COL21A1: variants seen among roughly 807,000 people sequenced by gnomAD.
The protein encoded by COL21A1 is collagen type XXI alpha 1 chain.
A neutral mutation model predicts 137.9 loss-of-function variants in COL21A1; 149 were observed. The ratio of observed to expected loss-of-function variants is 1.08; its 90% CI spans 0.95 to 1.24. The LOEUF (loss-of-function observed/expected upper bound fraction) is 1.24. Ranked by LOEUF, COL21A1 falls within the 50% of genes most tolerant of loss-of-function variation. The probability of loss-of-function intolerance (pLI) is 0.00; values close to 1 mark genes in which losing one functional copy is unlikely to be tolerated. For synonymous variants in COL21A1, 456 were observed against 391.5 expected, an observed-to-expected ratio of 1.16 and a Z score of -1.95; for missense variants, 1,167 against 1,158.4, an observed-to-expected ratio of 1.01 and a Z score of -0.11.
chr6:56,220,267 A>G (rs1294109868), intron 1 of COL21A1, among the ~76,000 whole-genome samples: 1 of 152,152 alleles, frequency 6.6e-6, no homozygotes, highest in Non-Finnish European at 1.5e-5. Context: ...ATAACCACAC[A>G]AAAGATGTAC....
intron 1 of COL21A1, among the ~76,000 whole-genome samples, chr6:56,256,830 C>G (rs1264982638): frequency 6.6e-6 from 1 of 151,916 alleles, no homozygotes; most frequent in Non-Finnish European, 1.5e-5. Context: ...CTTCATTGTT[C>G]AAGAGGCCAA....
At chr6:56,150,565 C>CACACACACA (rs1402170446) in intron 10 of COL21A1, among the ~76,000 whole-genome samples, 6 of 112,612 alleles carry the variant, frequency 5.3e-5, no homozygotes, top group South Asian at 2.8e-4. Flanking sequence ...CACACACACA[C>CACACACACA]AAGAGTGGGG....
intron 1 of COL21A1, among the ~76,000 whole-genome samples, chr6:56,253,616 G>A (rs919513218): frequency 1.3e-5 from 2 of 152,096 alleles, no homozygotes; most frequent in African/African-American, 4.8e-5. Flanking sequence ...TTCCCTATGT[G>A]AGCATTTTTT....
chr6:56,307,855 A>G (rs554980799), intron 1 of COL21A1, among the ~76,000 whole-genome samples: 344 of 152,298 alleles, frequency 2.3e-3, no homozygotes, highest in African/African-American at 7.8e-3. Context: ...CTATTCGGCC[A>G]TCTTGGCTCC....
Position 56,275,404 on chromosome 6 carries a change from T to C in COL21A1, c.-38-92748A>G, listed in dbSNP as rs1368676574. ...AAGAGCTTCTGCACAGCAAAATAAATGATCAATAGAATAAACAAACAACCT... is the reference window on the plus strand; with the variant it reads ...AAGAGCTTCTGCACAGCAAAATAAACGATCAATAGAATAAACAAACAACCT... On this transcript the variant is annotated intron_variant, in intron 1 of 28. Transcript: ENST00000370819. Among the ~76,000 whole-genome samples, 4 of 152,062 alleles carry C rather than the reference T, an allele frequency of 2.6e-5. No individual in the cohort carries two copies. The East Asian group carries it at 7.7e-4, about 29-fold the overall frequency.
intron 10 of COL21A1, among the ~76,000 whole-genome samples, chr6:56,142,734 T>A (rs1434619896): frequency 1.3e-5 from 2 of 152,236 alleles, no homozygotes; most frequent in African/African-American, 4.8e-5. Context: ...GTCAGGTTAA[T>A]GGACCACCTG....
Position 56,144,041 on chromosome 6 carries a change from C to T in COL21A1, c.1435-2058G>A, listed in dbSNP as rs539345662. On this transcript the variant is annotated intron_variant, in intron 10 of 29. Coordinates refer to ENST00000244728, the MANE Select transcript of COL21A1 (RefSeq NM_030820.4). ...TCAATCTACATGGAATTTGCTCAGC[C>T]CTGTATGTCTACTACTCTAGTTATC... is the stretch of plus-strand genomic sequence containing the variant. 1.8e-4 allele frequency among the ~76,000 whole-genome samples: 27 copies of T among 152,240 alleles called. No homozygotes were observed. In the Middle Eastern group the frequency reaches 0.014, roughly 77 times the overall value.
chr6:56,207,200 T>C lies in COL21A1; in HGVS notation c.-38-24544A>G, dbSNP rs372500582. The stretch of plus-strand genomic sequence containing the variant: ...GAAATAACTAAGATCACAGCAAAAC[T>C]GAAGGAGATAGAGAAAGGAAAAACC... On this transcript the variant is annotated intron_variant, in intron 1 of 29. Coordinates refer to ENST00000244728, the MANE Select transcript of COL21A1 (RefSeq NM_030820.4). 4.6e-5 allele frequency among the ~76,000 whole-genome samples: 7 copies of C among 151,678 alleles called. No individual in the cohort carries two copies. In the East Asian group the frequency reaches 1.4e-3, roughly 29 times the overall value.
intron 9 of COL21A1, among the ~76,000 whole-genome samples, chr6:56,162,244 AGT>A (rs925086277): frequency 1.3e-5 from 2 of 152,138 alleles, no homozygotes; most frequent in African/African-American, 4.8e-5. Flanking sequence ...TGGATGGAAG[AGT>A]GTGTGTGTGT....
At chr6:56,232,780 C>T (rs1356088373) in intron 1 of COL21A1, among the ~76,000 whole-genome samples, 1 of 151,860 alleles carries the variant, frequency 6.6e-6, no homozygotes, top group South Asian at 2.1e-4. Context: ...CCACATATTG[C>T]TTGGTCCAAA....
chr6:56,295,486 G>C (rs1764144233), intron 1 of COL21A1, among the ~76,000 whole-genome samples: 1 of 152,004 alleles, frequency 6.6e-6, no homozygotes, highest in Non-Finnish European at 1.5e-5. Context: ...AAAGTAACTT[G>C]TTGAGATTTT....
At chr6:56,260,709 C>A (rs1432591804) in intron 1 of COL21A1, among the ~76,000 whole-genome samples, 1 of 130,300 alleles carries the variant, frequency 7.7e-6, no homozygotes, top group Non-Finnish European at 1.7e-5. Context: ...GGCAGGCAGG[C>A]AGGCAGGAAG....
At chr6:56,158,194 C>T (rs1302597782) in intron 9 of COL21A1, among the ~76,000 whole-genome samples, 5 of 149,286 alleles carry the variant, frequency 3.3e-5, no homozygotes, top group African/African-American at 1.2e-4. Context: ...CCGTAAGTAT[C>T]AGGGTGTTCC....
intron 1 of COL21A1, chr6:56,276,606 C>G: frequency 7.0e-7 from 1 of 1,432,444 alleles, no homozygotes; most frequent in Non-Finnish European, 9.8e-7. Flanking sequence ...CCAGGGTATT[C>G]TGGCAGAAGT....
At chr6:56,316,091 A>G (rs1582775656) in intron 1 of COL21A1, among the ~76,000 whole-genome samples, 2 of 152,276 alleles carry the variant, frequency 1.3e-5, no homozygotes, top group Non-Finnish European at 2.9e-5. Context: ...TTTATTTTTA[A>G]TCAACAAGTA....
At chr6:56,382,690 G>A (rs2094010776) in intron 1 of COL21A1, among the ~76,000 whole-genome samples, 1 of 152,088 alleles carries the variant, frequency 6.6e-6, no homozygotes, top group Admixed American at 6.6e-5. Context: ...GGTCTTGTGA[G>A]GTCACTGCAA....
intron 12 of COL21A1, among the ~76,000 whole-genome samples, chr6:56,135,329 C>G (rs1582451512): frequency 6.6e-6 from 1 of 152,052 alleles, no homozygotes; most frequent in African/African-American, 2.4e-5. Context: ...CGGCAAATTA[C>G]AGAGAAGTAA....
chr6:56,207,040 A>T (rs1779839495), intron 1 of COL21A1, among the ~76,000 whole-genome samples: 1 of 152,050 alleles, frequency 6.6e-6, no homozygotes, highest in African/African-American at 2.4e-5. Flanking sequence ...ATTTAAAGCA[A>T]TGTGTGGAGG....
At chr6:56,091,794 A>C (rs1335203159) in intron 17 of COL21A1, 1 of 152,198 alleles carries the variant, frequency 6.6e-6, no homozygotes, top group East Asian at 1.9e-4. Flanking sequence ...GCAAGAATTG[A>C]CCAAAGAAGA....
Sources: allele counts gnomAD v4.1 joint callset (sites outside exome capture counted in the v4.1 genomes callset), GRCh38; gene constraint gnomAD v4.1.1; transcripts MANE v1.5; gene names NCBI Gene and HGNC (gene_info 2026-07-23, HGNC 2026-07-21).